Variants in CPQ observed in about 807,000 individuals in gnomAD.
CPQ encodes Ser-Met dipeptidase.
A neutral mutation model predicts 45.7 loss-of-function variants in CPQ; 37 were observed. That is an observed-to-expected ratio of 0.81 (90% CI 0.62 to 1.07). CPQ has a LOEUF of 1.07. CPQ is among the 50% of genes least tolerant of loss of function. CPQ has a pLI of 0.00. For synonymous variants in CPQ, 186 were observed against 205.8 expected, an observed-to-expected ratio of 0.90 and a Z score of 0.82; for missense variants, 537 against 572.9, an observed-to-expected ratio of 0.94 and a Z score of 0.64.
chr8:96,804,001 A>T (rs1406095389), intron 2 of CPQ, among the ~76,000 whole-genome samples: 1 of 152,192 alleles, frequency 6.6e-6, no homozygotes, highest in Non-Finnish European at 1.5e-5. Context: ...ATGTGGGAAC[A>T]TGGAGAAGAG....
intron 3 of CPQ, among the ~76,000 whole-genome samples, chr8:96,875,810 A>G (rs1364514999): frequency 6.6e-6 from 1 of 151,914 alleles, no homozygotes; most frequent in Non-Finnish European, 1.5e-5. Context: ...TTTTATAATC[A>G]GCTTGTCAAT....
chr8:97,026,021 T>A (rs1268337430), intron 5 of CPQ, among the ~76,000 whole-genome samples: 1 of 152,214 alleles, frequency 6.6e-6, no homozygotes, highest in East Asian at 1.9e-4. Context: ...AAAGAAGTTA[T>A]GTATTTTCCT....
intron 4 of CPQ, among the ~76,000 whole-genome samples, chr8:96,891,193 T>C (rs1351057344): frequency 1.3e-5 from 2 of 152,160 alleles, no homozygotes; most frequent in African/African-American, 4.8e-5. Context: ...ACCATGACGG[T>C]GGATAAGACA....
chr8:96,654,136 T>C (rs1815611157), intron 1 of CPQ, among the ~76,000 whole-genome samples: 1 of 152,230 alleles, frequency 6.6e-6, no homozygotes, highest in Admixed American at 6.5e-5. Context: ...CTCCTCATCA[T>C]CATAAGGCAC....
rs983163190 is a variant in CPQ at position 97,036,986 on chromosome 8, C to T, written c.1053+7492C>T. Among the ~76,000 whole-genome samples the T allele has an allele frequency of 2.6e-5, 4 of 152,168 alleles. No homozygotes were observed. The East Asian group carries it at 7.7e-4, about 29-fold the overall frequency. ...TTAAATGAGGGATGGGATGTATGGT[C>T]ATTCCAAATACACGAATTTATCTGA... On this transcript the variant is annotated intron_variant, in intron 6 of 7. Transcript: ENST00000220763.
At chr8:96,864,479 C>T (rs1811971071) in intron 3 of CPQ, among the ~76,000 whole-genome samples, 1 of 152,002 alleles carries the variant, frequency 6.6e-6, no homozygotes, top group African/African-American at 2.4e-5. Context: ...TCTAAAGGGG[C>T]ATGTCTGTGT....
At chr8:97,062,487 T>C (rs1277552635) in intron 6 of CPQ, among the ~76,000 whole-genome samples, 1 of 152,098 alleles carries the variant, frequency 6.6e-6, no homozygotes, top group Non-Finnish European at 1.5e-5. Context: ...AAACTTCTAT[T>C]TTAAGTTCAG....
intron 1 of CPQ, among the ~76,000 whole-genome samples, chr8:96,763,282 G>A (rs546558151): frequency 6.6e-6 from 1 of 152,240 alleles, no homozygotes; most frequent in East Asian, 1.9e-4. Context: ...TATAATTCAT[G>A]GATGAAAGTG....
At chr8:97,120,138 C>T (rs1431720424) in intron 7 of CPQ, among the ~76,000 whole-genome samples, 1 of 152,092 alleles carries the variant, frequency 6.6e-6, no homozygotes, top group East Asian at 1.9e-4. Flanking sequence ...TCCTTTTTCC[C>T]CAAGAATCCC....
intron 6 of CPQ, among the ~76,000 whole-genome samples, chr8:97,040,284 T>C (rs1810094989): frequency 6.6e-6 from 1 of 152,246 alleles, no homozygotes; most frequent in Admixed American, 6.5e-5. Context: ...ATGTCTTCTT[T>C]TGAGAAGTGT....
intron 3 of CPQ, among the ~76,000 whole-genome samples, chr8:96,870,388 G>A (rs990108936): frequency 6.6e-6 from 1 of 151,900 alleles, no homozygotes; most frequent in African/African-American, 2.4e-5. Flanking sequence ...TACGGTCATG[G>A]ATGAAATTAT....
chr8:96,920,565 T>C lies in CPQ; in HGVS notation c.849+40560T>C, dbSNP rs1035254621. Among the ~76,000 whole-genome samples, 7 of 152,144 alleles carry C rather than the reference T, an allele frequency of 4.6e-5. No homozygotes were observed. The South Asian group carries it at 1.2e-3, about 27-fold the overall frequency. On this transcript the variant is annotated intron_variant, in intron 4 of 7. Transcript: ENST00000220763. ...ATATTAAAGCTCATTTAATTGGTGT[T>C]GTGGGTTGAATTCTGTTCCTCCCCA...
chr8:97,099,099 A>G (rs1811256414), intron 7 of CPQ, among the ~76,000 whole-genome samples: 2 of 149,718 alleles, frequency 1.3e-5, no homozygotes, highest in South Asian at 4.2e-4. Context: ...AGAAGTCCCA[A>G]AACTCCCTTC....
intron 3 of CPQ, among the ~76,000 whole-genome samples, chr8:96,867,050 C>T (rs1812005100): frequency 6.6e-6 from 1 of 152,080 alleles, no homozygotes. Context: ...ACTCCTTCTG[C>T]CTTAAAGGCA....
In CPQ at chr8:96,966,064, T is replaced by C. The variant is rs1252299132; in HGVS notation, c.961+18T>C. Reference sequence around the variant, plus strand: ...AGATCTTGGTAAATATTTAGAAAATTGTTAACTAATGTGTGAGGATCTCAG... The same window carrying C: ...AGATCTTGGTAAATATTTAGAAAATCGTTAACTAATGTGTGAGGATCTCAG... On this transcript the variant is annotated intron_variant, in intron 5 of 7. Coordinates refer to ENST00000220763, the MANE Select transcript of CPQ (RefSeq NM_016134.4). 6.5e-7 allele frequency: 1 copy of C among 1,539,058 alleles called. No individual in the cohort carries two copies. The highest frequency in any genetic ancestry group is 2.2e-5 in the East Asian group (1 of 44,492).
chr8:96,956,710 AT>A (rs1304478438), intron 4 of CPQ, among the ~76,000 whole-genome samples: 3 of 152,172 alleles, frequency 2.0e-5, no homozygotes, highest in African/African-American at 4.8e-5. Context: ...AGATTGGGGA[AT>A]GGGGATAATA....
intron 7 of CPQ, among the ~76,000 whole-genome samples, chr8:97,083,230 G>T (rs1810983553): frequency 2.0e-5 from 3 of 152,074 alleles, no homozygotes. Context: ...TTCCAAGGGG[G>T]GTGAATAATT....
At chr8:96,855,205 C>G (rs1811830623) in intron 3 of CPQ, among the ~76,000 whole-genome samples, 1 of 152,100 alleles carries the variant, frequency 6.6e-6, no homozygotes, top group African/African-American at 2.4e-5. Context: ...CAAAAATGCC[C>G]TCACAGAAAC....
intron 1 of CPQ, among the ~76,000 whole-genome samples, chr8:96,664,958 C>G (rs1808900077): frequency 6.6e-6 from 1 of 152,112 alleles, no homozygotes; most frequent in African/African-American, 2.4e-5. Context: ...GCTAGATCAT[C>G]CATATGACAG....
Sources: allele counts gnomAD v4.1 joint callset (sites outside exome capture counted in the v4.1 genomes callset), GRCh38; gene constraint gnomAD v4.1.1; transcripts MANE v1.5; gene names NCBI Gene and HGNC (gene_info 2026-07-23, HGNC 2026-07-21).